Variants in CFAP61 observed in about 807,000 individuals in gnomAD.
The protein encoded by CFAP61 is cilia and flagella associated protein 61.
CFAP61 carries 107 observed loss-of-function variants against 135.6 expected under a neutral mutation model. That is an observed-to-expected ratio of 0.79 (90% confidence interval 0.67 to 0.93). The LOEUF (loss-of-function observed/expected upper bound fraction) is 0.93. Ranked by LOEUF, CFAP61 falls within the 40% of genes least tolerant of loss-of-function variation. The pLI, the probability that CFAP61 is intolerant of heterozygous loss-of-function variation, is 0.00. For synonymous variants in CFAP61, 575 were observed against 578.5 expected (o/e 0.99, Z 0.09); for missense variants, 1,507 against 1,556.2 (o/e 0.97, Z 0.53).
chr20:20,276,673 T>C (rs1321681417), intron 21 of CFAP61, among the ~76,000 whole-genome samples: 1 of 152,346 alleles, frequency 6.6e-6, no homozygotes, highest in Non-Finnish European at 1.5e-5. Context: ...AAAAGCAGAA[T>C]GTTCTGGCCT....
intron 16 of CFAP61, among the ~76,000 whole-genome samples, chr20:20,197,025 A>C (rs2056339081): frequency 6.6e-6 from 1 of 152,222 alleles, no homozygotes; most frequent in Non-Finnish European, 1.5e-5. Context: ...ATATTGACAA[A>C]ATAGAGACTG....
At chr20:20,231,814 G>A (rs576289925) in intron 18 of CFAP61, among the ~76,000 whole-genome samples, 4 of 152,334 alleles carry the variant, frequency 2.6e-5, no homozygotes, top group South Asian at 2.1e-4. Context: ...GTAGAGGGCC[G>A]TGAATTGGAG....
At chr20:20,117,365 A>AAAAT (rs61453815) in intron 8 of CFAP61, among the ~76,000 whole-genome samples, 3,693 of 151,436 alleles carry the variant, frequency 0.024, 70 homozygotes, top group African/African-American at 0.053. Context: ...TAATAAGTTA[A>AAAAT]AAATAAATAA....
intron 9 of CFAP61, among the ~76,000 whole-genome samples, chr20:20,149,805 A>G (rs1051749117): frequency 2.0e-5 from 3 of 152,164 alleles, no homozygotes; most frequent in South Asian, 2.1e-4. Context: ...GAAACTTCCA[A>G]CTGAACTTTG....
intron 6 of CFAP61, among the ~76,000 whole-genome samples, chr20:20,087,388 T>C (rs2046883533): frequency 6.6e-6 from 1 of 152,180 alleles, no homozygotes; most frequent in South Asian, 2.1e-4. Context: ...ACATGCAGTA[T>C]TTGTTTTTTT....
At chr20:20,112,871 G>A (rs1419273284) in intron 8 of CFAP61, among the ~76,000 whole-genome samples, 1 of 151,988 alleles carries the variant, frequency 6.6e-6, no homozygotes, top group Non-Finnish European at 1.5e-5. Flanking sequence ...TATTCTCATT[G>A]TAGTTATTTT....
intron 4 of CFAP61, 101 bp from the exon 5 acceptor site, chr20:20,075,088 G>A (rs1358266394): frequency 6.5e-5 from 72 of 1,106,696 alleles, no homozygotes; most frequent in Non-Finnish European, 8.9e-5. Flanking sequence ...GTGGATTTAG[G>A]AACACCTCAC....
chr20:20,306,430 A>C (rs2056481077), intron 25 of CFAP61, among the ~76,000 whole-genome samples: 1 of 152,144 alleles, frequency 6.6e-6, no homozygotes, highest in Non-Finnish European at 1.5e-5. Flanking sequence ...GGAATGTATA[A>C]ATTCTGATTT....
chr20:20,330,741 T>C (rs1425723069), intron 25 of CFAP61, among the ~76,000 whole-genome samples: 1 of 152,150 alleles, frequency 6.6e-6, no homozygotes, highest in Non-Finnish European at 1.5e-5. Context: ...TCTGTTTTCC[T>C]ACCTGTAGAA....
At chr20:20,163,793 C>A (rs991123372) in intron 10 of CFAP61, among the ~76,000 whole-genome samples, 2 of 151,494 alleles carry the variant, frequency 1.3e-5, no homozygotes, top group South Asian at 4.2e-4. Flanking sequence ...CCCTGACAGG[C>A]CCCAGTGTGT....
At chr20:20,114,028 G>A (rs2048974119) in intron 8 of CFAP61, among the ~76,000 whole-genome samples, 1 of 151,302 alleles carries the variant, frequency 6.6e-6, no homozygotes, top group African/African-American at 2.4e-5. Flanking sequence ...CAGCACTCTG[G>A]GAGGCCAAGG....
chr20:20,247,086 AG>A (rs1241647580), intron 19 of CFAP61, among the ~76,000 whole-genome samples: 1 of 152,208 alleles, frequency 6.6e-6, no homozygotes, highest in Non-Finnish European at 1.5e-5. Context: ...GGCCTGGGCA[AG>A]GAATTTCATT....
intron 25 of CFAP61, among the ~76,000 whole-genome samples, chr20:20,313,686 C>T (rs150816806): frequency 3.7e-4 from 56 of 152,290 alleles, no homozygotes; most frequent in Admixed American, 8.5e-4. Flanking sequence ...GAGAGCACCT[C>T]GTGGGTGTCT....
chr20:20,110,884 C>T (rs12624431), intron 8 of CFAP61, among the ~76,000 whole-genome samples: 14,960 of 152,056 alleles, frequency 0.098, 1,546 homozygotes, highest in East Asian at 0.6. Flanking sequence ...GGGAAAGGGG[C>T]AAAACAAGAC....
intron 8 of CFAP61, among the ~76,000 whole-genome samples, chr20:20,131,930 T>C (rs1360403609): frequency 6.6e-6 from 1 of 152,134 alleles, no homozygotes; most frequent in Non-Finnish European, 1.5e-5. Flanking sequence ...TTCTTGTTTT[T>C]TTATTTTTAA....
chr20:20,052,632 C>T (rs2146512905), intron 1 of CFAP61, 41 bp downstream of exon 1: 1 of 1,613,476 alleles, frequency 6.2e-7, no homozygotes, highest in Non-Finnish European at 8.5e-7. Context: ...GCAAGGACTG[C>T]GGTGCAGGGC....
In CFAP61 at chr20:20,079,694, A is replaced by G. The variant is rs574760406; in HGVS notation, c.566+4079A>G. 3.3e-5 allele frequency among the ~76,000 whole-genome samples: 5 copies of G among 152,354 alleles called. No homozygotes were observed. The South Asian group carries it at 1.0e-3, about 32-fold the overall frequency. ...TATCTACCTAATTTAGTTTGAGAGA[A>G]GAAAATTCCTCATATAAAATGATCT... On this transcript the variant is annotated intron_variant, in intron 6 of 26. Transcript: ENST00000245957.
intron 6 of CFAP61, among the ~76,000 whole-genome samples, chr20:20,088,935 A>C (rs913494587): frequency 6.6e-6 from 1 of 152,152 alleles, no homozygotes; most frequent in Non-Finnish European, 1.5e-5. Flanking sequence ...AGCAGGGTGA[A>C]GATTTTCATC....
At position 20,125,570 on chromosome 20, in the gene CFAP61, G is replaced by GCTTGAT. The variant is rs1403851401; in HGVS notation, c.860-17287_860-17286insCTTGAT. Among the ~76,000 whole-genome samples, 23 of 151,820 alleles carry GCTTGAT rather than the reference G, an allele frequency of 1.5e-4. 1 individual carries two copies. Among genetic ancestry groups the GCTTGAT allele is most frequent in the African/African-American group, 5.1e-4 (21 of 41,156 alleles). The stretch of plus-strand genomic sequence containing the variant: ...TTGATTTACAGTTTTATTCCACTGT[G>GCTTGAT]GTCTGAGAGGCTGCTTGATGTAATA... On this transcript the variant is annotated intron_variant, in intron 8 of 26. Transcript: ENST00000245957.
Sources: allele counts gnomAD v4.1 joint callset (sites outside exome capture counted in the v4.1 genomes callset), GRCh38; gene constraint gnomAD v4.1.1; transcripts MANE v1.5; gene names NCBI Gene and HGNC (gene_info 2026-07-23, HGNC 2026-07-21).